Variants in DPP4 observed in about 807,000 individuals in gnomAD.
The protein encoded by DPP4 is dipeptidyl peptidase 4.
In DPP4, 93 loss-of-function variants were observed where a neutral mutation model predicts 122.4. The observed-to-expected ratio is 0.76, with a 90% CI of 0.64 to 0.90. The LOEUF (loss-of-function observed/expected upper bound fraction) is 0.90, where lower values mean the gene tolerates loss of function less well. Among genes scored for constraint, DPP4 ranks in the 40% least tolerant of loss-of-function variants. The probability of loss-of-function intolerance (pLI) is 0.00; values close to 1 mark genes in which losing one functional copy is unlikely to be tolerated. For missense variants in DPP4, 914 were observed against 907.3 expected, an observed-to-expected ratio of 1.01 and a Z score of -0.09; for synonymous variants, 321 against 302.9, an observed-to-expected ratio of 1.06 and a Z score of -0.62.
chr2:162,072,207 T>C (rs566104329), intron 2 of DPP4, among the ~76,000 whole-genome samples: 16 of 152,342 alleles, frequency 1.1e-4, no homozygotes, highest in African/African-American at 3.4e-4. Context: ...GCCCTATATT[T>C]ATCAATTGTA....
At chr2:162,068,167 C>T (rs533040122) in intron 2 of DPP4, among the ~76,000 whole-genome samples, 4 of 152,196 alleles carry the variant, frequency 2.6e-5, no homozygotes, top group Non-Finnish European at 5.9e-5. Context: ...TCAGTCATTG[C>T]CTATATACAG....
intron 23 of DPP4, among the ~76,000 whole-genome samples, chr2:162,001,674 G>C (rs1483087434): frequency 6.6e-6 from 1 of 152,174 alleles, no homozygotes; most frequent in African/African-American, 2.4e-5. Context: ...ATTCCTCACT[G>C]TTAGGAGCCC....
chr2:162,002,490 T>C (rs7565794), intron 23 of DPP4, among the ~76,000 whole-genome samples: 53,132 of 152,052 alleles, frequency 0.35, 9,632 homozygotes, highest in East Asian at 0.65. Flanking sequence ...CACACTTTGG[T>C]CATTCCTAAT....
At chr2:162,042,021 G>A (rs1684005258) in intron 5 of DPP4, among the ~76,000 whole-genome samples, 1 of 152,146 alleles carries the variant, frequency 6.6e-6, no homozygotes, top group Non-Finnish European at 1.5e-5. Context: ...ATGATTCTTT[G>A]GCTGAGGTTA....
At chr2:162,042,806 A>G (rs949313525) in intron 5 of DPP4, among the ~76,000 whole-genome samples, 1 of 152,206 alleles carries the variant, frequency 6.6e-6, no homozygotes, top group Admixed American at 6.5e-5. Flanking sequence ...GGCACCAAAT[A>G]AGGCAGGCAA....
rs1339359138 is a variant in DPP4 at position 162,011,823 on chromosome 2, A to T, written c.1802T>A (p.Phe601Tyr). ...MHAINRRLGT[F>Y]EVEDQIEAAR... ...TGCTTCAATTTGATCTTCAACTTCAAATGTTCCCAGTCTTCTGTTGATTGC... is the reference window on the plus strand; with the variant it reads ...TGCTTCAATTTGATCTTCAACTTCATATGTTCCCAGTCTTCTGTTGATTGC... Residue 601 changes from phenylalanine (F) to tyrosine (Y), a missense_variant, in exon 20 of 26, where the codon TTT becomes TAT. Physicochemically the swap from Phe to Tyr is conservative, Grantham distance 22. Coordinates refer to ENST00000360534, the MANE Select transcript of DPP4 (RefSeq NM_001935.4). The T allele has an allele frequency of 9.9e-6, 16 of 1,613,360 alleles. No homozygotes were observed. Among genetic ancestry groups the T allele is most frequent in the African/African-American group, 2.7e-5 (2 of 74,836 alleles).
intron 20 of DPP4, 132 bp from the exon 21 acceptor site, chr2:162,009,427 A>C: frequency 1.4e-6 from 1 of 721,584 alleles, no homozygotes. Context: ...GCTGCCAGTA[A>C]TCAAATAAAC....
chr2:162,073,300 T>C (rs1177690382), intron 2 of DPP4, 99 bp downstream of exon 2: 17 of 1,251,758 alleles, frequency 1.4e-5, no homozygotes, highest in Non-Finnish European at 1.7e-5. Flanking sequence ...GGGGCACTGG[T>C]CCAACCCCAC....
rs769911938 is a variant in DPP4 at position 162,039,186 on chromosome 2, T to A, written c.367-2A>T. The A allele has an allele frequency of 3.6e-5, 58 of 1,612,144 alleles. No homozygotes were observed. Among genetic ancestry groups the A allele is most frequent in the Non-Finnish European group, 8.5e-7 (1 of 1,179,208 alleles). ...AGCTGTGTAGGAATGCCTCCATTGC[T>A]ATGAAAGAAAACAGACATTTCAGGC... On this transcript the variant is annotated splice_acceptor_variant, in intron 5 of 25. Transcript: ENST00000360534. LOFTEE classifies it high-confidence loss of function.
intron 23 of DPP4, 130 bp downstream of exon 23, chr2:162,005,615 T>C: frequency 1.3e-6 from 1 of 765,110 alleles, no homozygotes; most frequent in Non-Finnish European, 2.1e-6. Flanking sequence ...CTAAACCACC[T>C]GTGTTATTTC....
chr2:162,000,837 G>A (rs1701128427), intron 23 of DPP4, among the ~76,000 whole-genome samples: 1 of 152,158 alleles, frequency 6.6e-6, no homozygotes, highest in African/African-American at 2.4e-5. Flanking sequence ...CCCTTGATCT[G>A]ATACTTCTCT....
At position 162,011,102 on chromosome 2, in the gene DPP4, G is replaced by A. The variant is rs576536082; in HGVS notation, c.1832+691C>T. Among the ~76,000 whole-genome samples the A allele has an allele frequency of 5.9e-5, 9 of 152,148 alleles. No homozygotes were observed. In the South Asian group the frequency reaches 8.3e-4, roughly 14 times the overall value. On this transcript the variant is annotated intron_variant, in intron 20 of 25. Transcript: ENST00000360534. Reference sequence around the variant, plus strand: ...TATGGGGTAAGAACACCCACCTCTCGGGGCTTCAGCGACAATGCCTGCAGG... The same window carrying A: ...TATGGGGTAAGAACACCCACCTCTCAGGGCTTCAGCGACAATGCCTGCAGG...
intron 3 of DPP4, 128 bp from the exon 4 acceptor site, chr2:162,047,134 A>T: frequency 3.3e-6 from 2 of 602,096 alleles, no homozygotes; most frequent in Non-Finnish European, 5.9e-6. Flanking sequence ...GAAAACATGA[A>T]TGATATTATA....
intron 2 of DPP4, among the ~76,000 whole-genome samples, chr2:162,066,253 T>C (rs186623114): frequency 1.3e-5 from 2 of 152,176 alleles, no homozygotes; most frequent in Admixed American, 6.6e-5. Flanking sequence ...TGCGTTTCTT[T>C]TTTTTTTTTA....
In DPP4 at chr2:162,008,580, A is replaced by T; in HGVS notation, c.1969T>A (p.Ser657Thr). Residue 657 changes from serine to threonine, a missense_variant, in exon 22 of 26, where the codon TCC (serine) becomes ACC (threonine). Ser to Thr is a moderately conservative substitution (Grantham distance 58). Transcript: ENST00000360534. ...TACATACCATAGTACTCCCACCGGG[A>T]TACAGGCGCCACGGCTATTCCACAC... ...FKCGIAVAPV[S>T]RWEYYDSVYT... 6.2e-7 allele frequency: 1 copy of T among 1,613,594 alleles called. No homozygotes were observed.
At chr2:161,993,408 T>G in intron 25 of DPP4, 24 bp from the exon 26 acceptor site, 4 of 1,540,898 alleles carry the variant, frequency 2.6e-6, no homozygotes, top group Non-Finnish European at 3.6e-6. Context: ...GAAAAGAAGT[T>G]AGAATTAGGA....
chr2:161,994,047 T>A (rs1700932342), intron 25 of DPP4, among the ~76,000 whole-genome samples: 1 of 152,206 alleles, frequency 6.6e-6, no homozygotes, highest in African/African-American at 2.4e-5. Flanking sequence ...GGGACAAAAA[T>A]TTATTGATTC....
At chr2:161,996,558 T>C (rs181748699) in intron 23 of DPP4, among the ~76,000 whole-genome samples, 1 of 152,340 alleles carries the variant, frequency 6.6e-6, no homozygotes, top group Admixed American at 6.5e-5. Context: ...GCTATGCAAC[T>C]GGAGGTATGC....
chr2:162,025,554 A>C (rs559265921), intron 10 of DPP4, among the ~76,000 whole-genome samples: 36 of 152,160 alleles, frequency 2.4e-4, no homozygotes, highest in Non-Finnish European at 4.4e-4. Context: ...TTTTCACATA[A>C]ATTTATGTAA....
Sources: allele counts gnomAD v4.1 joint callset (sites outside exome capture counted in the v4.1 genomes callset), GRCh38; gene constraint gnomAD v4.1.1; transcripts MANE v1.5; gene names NCBI Gene and HGNC (gene_info 2026-07-23, HGNC 2026-07-21).